The following GABPA variants were observed in gnomAD, a reference collection of about 807,000 sequenced individuals.
GABPA encodes the protein GA binding protein transcription factor subunit alpha, also known as GA-binding protein alpha chain.
GABPA carries 4 observed loss-of-function variants against 59.4 expected under a neutral mutation model. The observed-to-expected ratio is 0.07, with a 90% CI of 0.03 to 0.15. The LOEUF (loss-of-function observed/expected upper bound fraction) is 0.15. Ranked by LOEUF, GABPA falls within the 10% of genes least tolerant of loss-of-function variation. The pLI, the probability that GABPA is intolerant of heterozygous loss-of-function variation, is 1.00. For missense variants in GABPA, 251 were observed against 543.8 expected (o/e 0.46, Z 5.36); for synonymous variants, 164 against 183.1 (o/e 0.90, Z 0.84).
rs543581911 is a variant in GABPA, at chr21:25,771,179, G to T, written c.*1947G>T. 7.2e-5 allele frequency: 11 copies of T among 151,966 alleles called. No homozygotes were observed. The highest frequency in any genetic ancestry group is 2.2e-4 in the African/African-American group (9 of 41,510). 9.4% of individuals were successfully genotyped at this position (151,966 alleles called of 1,614,324 possible). A position where few individuals can be genotyped will look rare whatever the true frequency, so the allele number is the denominator to read the frequency against. On this transcript the variant is annotated 3_prime_UTR_variant, in exon 10 of 10. Transcript: ENST00000400075. ...TATCATCAAGAGCTTAAGAATCTTG[G>T]CTTTCATATTTAAAATGCTTTTGGG...
At chr21:25,737,952 A>G (rs1347207324) in intron 1 of GABPA, among the ~76,000 whole-genome samples, 4 of 152,224 alleles carry the variant, frequency 2.6e-5, no homozygotes, top group Non-Finnish European at 4.4e-5. Flanking sequence ...TTTGATTAAT[A>G]CTTTCTTAAA....
intron 2 of GABPA, among the ~76,000 whole-genome samples, chr21:25,742,262 T>A (rs1448258684): frequency 2.3e-3 from 1 of 438 alleles, no homozygotes; most frequent in East Asian, 0.042. Context: ...AGAAATAGAC[T>A]TTGGGAGTCA....
intron 1 of GABPA, among the ~76,000 whole-genome samples, chr21:25,737,319 T>G (rs934240316): frequency 2.4e-4 from 36 of 152,220 alleles, no homozygotes; most frequent in African/African-American, 8.7e-4. Context: ...GAAAAAGAGA[T>G]AAGACTCACT....
intron 3 of GABPA, 141 bp downstream of exon 3, chr21:25,745,495 A>C: frequency 1.4e-6 from 1 of 691,608 alleles, no homozygotes; most frequent in Non-Finnish European, 2.2e-6. Context: ...AAGTGTTTAG[A>C]AATAAAAAGG....
intron 5 of GABPA, among the ~76,000 whole-genome samples, chr21:25,757,271 G>A (rs1398091131): frequency 1.3e-5 from 2 of 152,216 alleles, no homozygotes; most frequent in South Asian, 2.1e-4. Context: ...GGGTGATACA[G>A]CAATGTAATA....
intron 5 of GABPA, among the ~76,000 whole-genome samples, chr21:25,757,124 T>G (rs913008074): frequency 2.0e-5 from 3 of 152,176 alleles, no homozygotes; most frequent in Admixed American, 6.5e-5. Flanking sequence ...ACTTTTCTTA[T>G]TGAATAGCAT....
chr21:25,740,949 G>GT (rs2035205648), intron 1 of GABPA, among the ~76,000 whole-genome samples: 1 of 152,152 alleles, frequency 6.6e-6, no homozygotes, highest in Admixed American at 6.5e-5. Context: ...GTTTGAATCT[G>GT]TTATTGAGAC....
Position 25,772,055 on chromosome 21 carries a change from T to G in GABPA, c.*2823T>G, listed in dbSNP as rs2036019669. Reference sequence around the variant, plus strand: ...AATATTTTTGTGAGGTCTGCTGTTTTCCATATTCATTTTATGCTACTGCCT... The same window carrying G: ...AATATTTTTGTGAGGTCTGCTGTTTGCCATATTCATTTTATGCTACTGCCT... On this transcript the variant is annotated 3_prime_UTR_variant, in exon 10 of 10. Transcript: ENST00000400075. 2 of 152,114 alleles carry G rather than the reference T, an allele frequency of 1.3e-5. No homozygotes were observed. The highest frequency in any genetic ancestry group is 2.9e-5 in the Non-Finnish European group (2 of 67,918). The allele number at this position is 152,114 out of a possible 1,614,324, so 9.4% of individuals were successfully genotyped here.
At chr21:25,752,417 C>T (rs1002009826) in intron 5 of GABPA, 183 bp downstream of exon 5, 2 of 658,608 alleles carry the variant, frequency 3.0e-6, no homozygotes, top group Non-Finnish European at 5.0e-6. Context: ...TTCTGTCCTG[C>T]GTGCAGGAAA....
intron 7 of GABPA, chr21:25,763,048 G>T: frequency 2.7e-6 from 1 of 370,644 alleles, no homozygotes; most frequent in Non-Finnish European, 5.2e-6. Context: ...ATCTATATTG[G>T]GTACTGTACT....
At chr21:25,754,449 T>C (rs62223999) in intron 5 of GABPA, among the ~76,000 whole-genome samples, 55 of 152,130 alleles carry the variant, frequency 3.6e-4, no homozygotes, top group Non-Finnish European at 6.5e-4. Context: ...TTTTTCATCT[T>C]ACCTATCTGC....
chr21:25,764,364 T>C lies in GABPA; in HGVS notation c.943+14T>C. On this transcript the variant is annotated intron_variant, in intron 8 of 9. Transcript: ENST00000400075. ...GGAACAGAACAGGTATTTTTGTATT[T>C]TCTTGTATTTATAAAATATATCTAT... 6.3e-7 allele frequency: 1 copy of C among 1,584,948 alleles called. No individual in the cohort carries two copies. The highest frequency in any genetic ancestry group is 8.6e-7 in the Non-Finnish European group (1 of 1,167,314).
chr21:25,752,327 T>C (rs2035533687), intron 5 of GABPA, 93 bp downstream of exon 5: 2 of 1,231,494 alleles, frequency 1.6e-6, no homozygotes, highest in Non-Finnish European at 2.3e-6. Flanking sequence ...ATTTTACATG[T>C]AGAGTTATTA....
chr21:25,750,424 G>A lies in GABPA; in HGVS notation c.307+1304G>A, dbSNP rs149657737. Among the ~76,000 whole-genome samples the A allele has an allele frequency of 5.9e-5, 9 of 152,232 alleles. No homozygotes were observed. In the East Asian group the frequency reaches 7.7e-4, roughly 13 times the overall value. On this transcript the variant is annotated intron_variant, in intron 4 of 9. Transcript: ENST00000400075. Reference sequence around the variant, plus strand: ...CCAGTGATTCTAAAGCATTGGTCACGCCTGGAACCCTAGCTGCAAAGAAAT... The same window carrying A: ...CCAGTGATTCTAAAGCATTGGTCACACCTGGAACCCTAGCTGCAAAGAAAT...
chr21:25,742,285 A>C (rs958754856), intron 2 of GABPA, among the ~76,000 whole-genome samples: 11 of 152,184 alleles, frequency 7.2e-5, no homozygotes, highest in Non-Finnish European at 1.5e-4. Context: ...AAGAAGACTG[A>C]GGAAAGTAGT....
chr21:25,737,866 A>G (rs533622803), intron 1 of GABPA, among the ~76,000 whole-genome samples: 7 of 152,156 alleles, frequency 4.6e-5, no homozygotes, highest in Admixed American at 1.3e-4. Context: ...TTTTTATAAT[A>G]TATCTATTTT....
chr21:25,745,153 G>A, intron 2 of GABPA, 57 bp from the exon 3 acceptor site: 1 of 1,576,306 alleles, frequency 6.3e-7, no homozygotes. Flanking sequence ...GCATATTGTT[G>A]CTTTGAAATC....
intron 2 of GABPA, among the ~76,000 whole-genome samples, chr21:25,742,555 C>T (rs2829888): frequency 0.042 from 6,431 of 152,174 alleles, 426 homozygotes; most frequent in African/African-American, 0.14. Context: ...GGAATGCATG[C>T]TTCTGTGGAA....
In GABPA at chr21:25,751,641, C is replaced by T. The variant is rs66472229; in HGVS notation, c.308-348C>T. On this transcript the variant is annotated intron_variant, in intron 4 of 9. Transcript: ENST00000400075. ...AGGTAGCTGCTCATTTATACTCTGC[C>T]TAGTCTAATTTTTATTGTTTCGTAT... Among the ~76,000 whole-genome samples the T allele has an allele frequency of 1.4e-3, 220 of 151,838 alleles. 2 individuals carry two copies. The highest frequency in any genetic ancestry group is 5.1e-3 in the African/African-American group (213 of 41,458).
Sources: gnomAD v4.1 joint callset for allele counts (sites outside exome capture counted in the v4.1 genomes callset) on GRCh38, gnomAD v4.1.1 for gene constraint, MANE v1.5 for transcripts, NCBI Gene and HGNC (gene_info 2026-07-23, HGNC 2026-07-21) for gene names.